SFXN5: variants seen among roughly 807,000 people sequenced by gnomAD.
SFXN5 encodes sideroflexin-5.
SFXN5 carries 43 observed loss-of-function variants against 50.2 expected under a neutral mutation model. That is an observed-to-expected ratio of 0.86 (90% CI 0.67 to 1.11). The LOEUF (loss-of-function observed/expected upper bound fraction) is 1.11. Among genes scored for constraint, SFXN5 ranks in the 50% least tolerant of loss-of-function variants. The pLI is 0.00. For missense variants in SFXN5, 463 were observed against 454.1 expected (o/e 1.02, Z -0.18); for synonymous variants, 203 against 185.8 (o/e 1.09, Z -0.75).
chr2:73,059,017 G>A (rs1682518800), intron 1 of SFXN5: 2 of 993,228 alleles, frequency 2.0e-6, no homozygotes, highest in Non-Finnish European at 2.4e-6. Flanking sequence ...CCCGCCACAG[G>A]GTCCCTCCCC....
chr2:72,946,044 G>A (rs1395145024), intron 13 of SFXN5, among the ~76,000 whole-genome samples: 1 of 151,936 alleles, frequency 6.6e-6, no homozygotes, highest in East Asian at 1.9e-4. Context: ...CCGTGTCCAT[G>A]CATGGCTTTC....
chr2:73,015,463 A>T (rs1010439265), intron 6 of SFXN5, among the ~76,000 whole-genome samples: 4 of 151,680 alleles, frequency 2.6e-5, no homozygotes, highest in African/African-American at 4.8e-5. Flanking sequence ...AACTGGGAAG[A>T]TTTCCTTTTT....
intron 4 of SFXN5, 26 bp from the exon 5 acceptor site, chr2:73,022,602 G>C (rs1356328312): frequency 3.7e-6 from 5 of 1,365,372 alleles, no homozygotes; most frequent in South Asian, 3.6e-5. Context: ...ACAGAGAATG[G>C]GGTGGGGACG....
rs1463989706 is a variant in SFXN5 at position 72,961,155 on chromosome 2, G to A, written c.921C>T (p.Ile307=). 3 of 1,584,036 alleles carry A rather than the reference G, an allele frequency of 1.9e-6. No homozygotes were observed. The African/African-American group carries it at 4.1e-5, about 22-fold the overall frequency. The change falls in exon 13 of 14, where the codon ATC becomes ATT. Residue 307 remains isoleucine, a synonymous_variant. Transcript: ENST00000272433. The surrounding 1 kb of genome is among the most constrained non-coding windows in gnomAD (Gnocchi z 4.4). ...AAFGLALPLA[I]SLFPQMSEIE... is the part of the protein sequence containing the mutation. ...CCTCTGACATTTGCGGGAAGAGGCT[G>A]ATGGCCAGCGGCAGGGCCAGGCCGA...
chr2:73,016,669 G>A (rs1476292574), intron 6 of SFXN5, among the ~76,000 whole-genome samples: 2 of 151,994 alleles, frequency 1.3e-5, no homozygotes, highest in Admixed American at 1.3e-4. Flanking sequence ...ATGCCACTGC[G>A]CTCCAGCCTG....
At chr2:72,959,858 T>C (rs532910686) in intron 13 of SFXN5, among the ~76,000 whole-genome samples, 1 of 152,266 alleles carries the variant, frequency 6.6e-6, no homozygotes, top group South Asian at 2.1e-4. Context: ...TGATCCCACA[T>C]CTTGTTGCGG....
In SFXN5 at chr2:72,989,114, C is replaced by G. The variant is rs571001182; in HGVS notation, c.535-766G>C. ...AAGTGTCATCTCCTTCCCACAGCAGCCTTGGCCTCCATAACCTCACTTCCC... is the reference window on the plus strand; with the variant it reads ...AAGTGTCATCTCCTTCCCACAGCAGGCTTGGCCTCCATAACCTCACTTCCC... On this transcript the variant is annotated intron_variant, in intron 9 of 13. Coordinates refer to ENST00000272433, the MANE Select transcript of SFXN5 (RefSeq NM_144579.3). Among the ~76,000 whole-genome samples the G allele has an allele frequency of 9.8e-5, 15 of 152,364 alleles. No homozygotes were observed. The South Asian group carries it at 3.1e-3, about 32-fold the overall frequency.
Position 73,050,388 on chromosome 2 carries a change from G to GCGCGCGCGCACA in SFXN5, c.171+8139_171+8140insTGTGCGCGCGCG. On this transcript the variant is annotated intron_variant, in intron 2 of 13. Transcript: ENST00000272433. ...GTGGAGGTAGCGCCGCAGCCACAGC[G>GCGCGCGCGCACA]CACGCACACACACACACACACACAC... Among the ~76,000 whole-genome samples, 250 of 143,914 alleles carry GCGCGCGCGCACA rather than the reference G, an allele frequency of 1.7e-3. 2 individuals are homozygous for GCGCGCGCGCACA. Among genetic ancestry groups the GCGCGCGCGCACA allele is most frequent in the African/African-American group, 5.2e-3 (188 of 36,224 alleles). The allele number at this position is 143,914 out of a possible 152,430, so 94.4% of individuals were successfully genotyped here. A position where few individuals can be genotyped will look rare whatever the true frequency, so the allele number is the denominator to read the frequency against.
At chr2:73,002,273 T>C (rs1674012534) in intron 6 of SFXN5, among the ~76,000 whole-genome samples, 1 of 152,252 alleles carries the variant, frequency 6.6e-6, no homozygotes, top group African/African-American at 2.4e-5. Flanking sequence ...TATACACATA[T>C]GGCTAGGTAT....
chr2:72,999,573 A>C (rs761295288), intron 8 of SFXN5, among the ~76,000 whole-genome samples: 4 of 151,890 alleles, frequency 2.6e-5, no homozygotes, highest in Non-Finnish European at 5.9e-5. Context: ...CTGCAGGTCT[A>C]GAAGTGTCTG....
chr2:73,032,809 C>T (rs1574175794), intron 3 of SFXN5, among the ~76,000 whole-genome samples: 4 of 152,302 alleles, frequency 2.6e-5, no homozygotes, highest in Admixed American at 2.6e-4. Context: ...CAAAGAATGC[C>T]TCCATAAAAC....
At chr2:73,019,816 G>A (rs1261810643) in intron 6 of SFXN5, 3 of 167,062 alleles carry the variant, frequency 1.8e-5, no homozygotes, top group Non-Finnish European at 2.6e-5. Flanking sequence ...TAAAAATAAG[G>A]AGTAAACATA....
In SFXN5 at chr2:72,945,166, G is replaced by A; in HGVS notation, c.946-67C>T. ...GGGGCAAATAGTGGGGCTGGGAGCT[G>A]CAGTGAGGACCACCCTGGGCCCCAG... On this transcript the variant is annotated intron_variant, in intron 13 of 13. Transcript: ENST00000272433. The surrounding 1 kb of genome is among the most constrained non-coding windows in gnomAD (Gnocchi z 5.8). 2 of 1,470,904 alleles carry A rather than the reference G, an allele frequency of 1.4e-6. No homozygotes were observed. The highest frequency in any genetic ancestry group is 2.3e-5 in the East Asian group (1 of 42,896). The allele number at this position is 1,470,904 out of a possible 1,614,324, so 91.1% of individuals were successfully genotyped here. A position where few individuals can be genotyped will look rare whatever the true frequency, so the allele number is the denominator to read the frequency against.
Position 73,000,442 on chromosome 2 carries a change from T to C in SFXN5, c.457A>G (p.Asn153Asp). 2 of 1,558,974 alleles carry C rather than the reference T, an allele frequency of 1.3e-6. No homozygotes were observed. The highest frequency in any genetic ancestry group is 1.7e-6 in the Non-Finnish European group (2 of 1,150,090). ...GCAGTGATGCTCACCTTGGTCGCAT[T>C]GCGGTTTGCATAGTTGACACAGGCA... The part of the protein sequence containing the change: ...HNACVNYANR[N>D]ATKPSPASKF... The change falls in exon 8 of 14, where the codon AAT (asparagine) becomes GAT (aspartate). Residue 153 changes from asparagine (N) to aspartate (D), a missense_variant. Physicochemically the swap from Asn to Asp is conservative, Grantham distance 23. Transcript: ENST00000272433.
chr2:72,961,084 A>G lies in SFXN5; in HGVS notation c.945+47T>C, dbSNP rs1463669116. 4 of 1,327,478 alleles carry G rather than the reference A, an allele frequency of 3.0e-6. No homozygotes were observed. In the African/African-American group the frequency reaches 5.2e-5, roughly 17 times the overall value. 82.2% of individuals were successfully genotyped at this position (1,327,478 alleles called of 1,614,324 possible). ...ATGAGTATTTGTTCAGAAATCACCA[A>G]ACAGCACCCCCTGCCCTGCCCTGCC... On this transcript the variant is annotated intron_variant, in intron 13 of 13. Coordinates refer to ENST00000272433, the MANE Select transcript of SFXN5 (RefSeq NM_144579.3). This position sits in a 1 kb window ranked among gnomAD's most constrained non-coding sequence, Gnocchi z 4.4.
At chr2:73,047,238 AAAAAAAAATATAT>A (rs1264933919) in intron 2 of SFXN5, among the ~76,000 whole-genome samples, 5 of 62,626 alleles carry the variant, frequency 8.0e-5, no homozygotes, top group African/African-American at 3.9e-4. Context: ...AAAAAAAAAA[AAAAAAAAATATAT>A]ATATATATAT....
In SFXN5 at chr2:73,034,726, C is replaced by T. The variant is rs111525693; in HGVS notation, c.249+6128G>A. ...CTCCAGTTGCTTCCGAGCTGATTTCCGTAATAGCACTTATTCCTCCCCAGT... is the reference window on the plus strand; with the variant it reads ...CTCCAGTTGCTTCCGAGCTGATTTCTGTAATAGCACTTATTCCTCCCCAGT... On this transcript the variant is annotated intron_variant, in intron 3 of 13. Coordinates refer to ENST00000272433, the MANE Select transcript of SFXN5 (RefSeq NM_144579.3). 1.9e-3 allele frequency among the ~76,000 whole-genome samples: 285 copies of T among 152,272 alleles called. 2 individuals are homozygous for T. Among genetic ancestry groups the T allele is most frequent in the African/African-American group, 5.2e-3 (217 of 41,540 alleles).
chr2:73,034,360 C>G (rs766897183), intron 3 of SFXN5, among the ~76,000 whole-genome samples: 1 of 152,216 alleles, frequency 6.6e-6, no homozygotes, highest in African/African-American at 2.4e-5. Flanking sequence ...CTGACGCCCA[C>G]AGAAGACTTG....
intron 1 of SFXN5, among the ~76,000 whole-genome samples, chr2:73,061,133 T>C (rs1026121500): frequency 1.3e-5 from 2 of 151,666 alleles, no homozygotes; most frequent in African/African-American, 2.4e-5. Flanking sequence ...CTGGCCAACA[T>C]GGTGAAACCC....
Sources: gnomAD v4.1 joint callset for allele counts (sites outside exome capture counted in the v4.1 genomes callset) on GRCh38, gnomAD v4.1.1 for gene constraint, Gnocchi (gnomAD v3.1) non-coding constraint, MANE v1.5 for transcripts, NCBI Gene and HGNC (gene_info 2026-07-23, HGNC 2026-07-21) for gene names.